Variants in UBAP2L observed in about 807,000 individuals in gnomAD.
UBAP2L encodes the protein ubiquitin associated protein 2 like.
UBAP2L carries 12 observed loss-of-function variants against 130.6 expected under a neutral mutation model. That is an observed-to-expected ratio of 0.09 (90% CI 0.06 to 0.15). The LOEUF (loss-of-function observed/expected upper bound fraction) is 0.15. Among genes scored for constraint, UBAP2L ranks in the 10% least tolerant of loss-of-function variants. The pLI is 1.00. For missense variants in UBAP2L, 965 were observed against 1,332.5 expected (o/e 0.72, Z 4.29); for synonymous variants, 503 against 524.7 (o/e 0.96, Z 0.57).
intron 19 of UBAP2L, 29 bp downstream of exon 19, chr1:154,257,287 T>C: frequency 6.2e-7 from 1 of 1,614,212 alleles, no homozygotes; most frequent in Non-Finnish European, 8.5e-7. Context: ...ATGGCATTCC[T>C]CTGGGATGGA....
intron 11 of UBAP2L, among the ~76,000 whole-genome samples, chr1:154,248,273 TTACCCTATAGAACTTGTATG>T (rs1676281243): frequency 6.6e-6 from 1 of 152,106 alleles, no homozygotes; most frequent in Non-Finnish European, 1.5e-5. Context: ...GGCCCAGTGA[TTACCCTATAGAACTTGTATG>T]TACATGGAGA....
At chr1:154,264,518 A>G (rs1431923125) in intron 24 of UBAP2L, among the ~76,000 whole-genome samples, 1 of 152,192 alleles carries the variant, frequency 6.6e-6, no homozygotes, top group Admixed American at 6.5e-5. Flanking sequence ...TGGCTACTAC[A>G]GAGTATTATG....
At chr1:154,238,988 G>C (rs1672602223) in intron 8 of UBAP2L, among the ~76,000 whole-genome samples, 1 of 152,074 alleles carries the variant, frequency 6.6e-6, no homozygotes, top group Non-Finnish European at 1.5e-5. Context: ...TGATCCACCT[G>C]CCTTGGCCTC....
At chr1:154,238,734 TTTTTC>T (rs1195708700) in intron 8 of UBAP2L, among the ~76,000 whole-genome samples, 8 of 152,074 alleles carry the variant, frequency 5.3e-5, no homozygotes, top group South Asian at 2.1e-4. Flanking sequence ...ATTAATTTTT[TTTTTC>T]TTTTCTTTTT....
chr1:154,254,743 T>C (rs554555113), intron 15 of UBAP2L, 93 bp from the exon 16 acceptor site: 4 of 1,337,784 alleles, frequency 3.0e-6, no homozygotes, highest in Non-Finnish European at 4.2e-6. Flanking sequence ...CCTAAAGATT[T>C]GTTGACCAAA....
At chr1:154,270,890 A>T, downstream of UBAP2L, 1 of 1,547,280 alleles carries the variant, frequency 6.5e-7, no homozygotes, top group Non-Finnish European at 8.7e-7. Context: ...GGACATCCTC[A>T]ATTTCGTCGA....
rs1048475609 is a variant in UBAP2L at position 154,259,645 on chromosome 1, A to C, written c.2497-303A>C. 38 of 431,240 alleles carry C rather than the reference A, an allele frequency of 8.8e-5. No individual in the cohort carries two copies. In the Admixed American group the frequency reaches 1.3e-3, roughly 15 times the overall value. The allele number at this position is 431,240 out of a possible 1,614,324, so 26.7% of individuals were successfully genotyped here. A position where few individuals can be genotyped will look rare whatever the true frequency, so the allele number is the denominator to read the frequency against. ...TCGAATGATCTGTTTTCTCAGTAGAATAAGCTTGGTATAAACTGATAGGGA... is the reference window on the plus strand; with the variant it reads ...TCGAATGATCTGTTTTCTCAGTAGACTAAGCTTGGTATAAACTGATAGGGA... On this transcript the variant is annotated intron_variant, in intron 21 of 26. Transcript: ENST00000428931.
Position 154,260,973 on chromosome 1 carries a change from C to T in UBAP2L, c.2660C>T (p.Thr887Met), listed in dbSNP as rs1293387563. ...TTLAQPQQNQ[T>M]QTHHTTQQTF... Reference sequence around the variant, plus strand: ...TTGGCCCAACCCCAACAGAACCAGACGCAGACTCACCATACCACGCAGCAG... The same window carrying T: ...TTGGCCCAACCCCAACAGAACCAGATGCAGACTCACCATACCACGCAGCAG... The change falls in exon 23 of 27, where the codon ACG becomes ATG. Residue 887 changes from threonine (T) to methionine (M), a missense_variant. Coordinates refer to ENST00000428931, the MANE Select transcript of UBAP2L (RefSeq NM_014847.4). 2.5e-6 allele frequency: 4 copies of T among 1,614,254 alleles called. No individual in the cohort carries two copies. Among genetic ancestry groups the T allele is most frequent in the Non-Finnish European group, 3.4e-6 (4 of 1,180,050 alleles).
intron 25 of UBAP2L, 55 bp from the exon 26 acceptor site, chr1:154,268,702 C>A (rs975612323): frequency 6.3e-7 from 1 of 1,582,782 alleles, no homozygotes; most frequent in Non-Finnish European, 8.7e-7. Flanking sequence ...AGGAAAAATC[C>A]CAAGACTAGT....
At chr1:154,242,762 C>T (rs1571761476) in intron 9 of UBAP2L, among the ~76,000 whole-genome samples, 2 of 152,050 alleles carry the variant, frequency 1.3e-5, no homozygotes, top group Non-Finnish European at 2.9e-5. Context: ...TGGGCCCTTA[C>T]TGCTCAAAAG....
At chr1:154,244,015 A>G (rs1301360877) in intron 10 of UBAP2L, among the ~76,000 whole-genome samples, 2 of 152,206 alleles carry the variant, frequency 1.3e-5, no homozygotes, top group African/African-American at 2.4e-5. Context: ...GAGCCCACTG[A>G]GTATAACAGT....
chr1:154,251,439 T>G, intron 13 of UBAP2L, 42 bp from the exon 14 acceptor site: 1 of 1,598,560 alleles, frequency 6.3e-7, no homozygotes, highest in Non-Finnish European at 8.5e-7. Flanking sequence ...TTAGTAAGGT[T>G]GTATTAAAGC....
At chr1:154,253,054 A>T (rs1678333602) in intron 14 of UBAP2L, among the ~76,000 whole-genome samples, 2 of 151,956 alleles carry the variant, frequency 1.3e-5, no homozygotes, top group African/African-American at 2.4e-5. Flanking sequence ...CACAGGCTGG[A>T]GTGCAATGGC....
intron 3 of UBAP2L, 81 bp from the exon 4 acceptor site, chr1:154,228,534 C>T (rs1668740026): frequency 9.4e-7 from 1 of 1,062,374 alleles, no homozygotes; most frequent in South Asian, 1.4e-5. Context: ...CAACTGATAG[C>T]GTTTCCCTTC....
At position 154,259,879 on chromosome 1, in the gene UBAP2L, G is replaced by A. The variant is rs368671966; in HGVS notation, c.2497-69G>A. 1.7e-4 allele frequency: 250 copies of A among 1,490,774 alleles called. No homozygotes were observed. The African/African-American group carries it at 2.9e-3, about 17-fold the overall frequency. 92.3% of individuals were successfully genotyped at this position (1,490,774 alleles called of 1,614,324 possible). A position where few individuals can be genotyped will look rare whatever the true frequency, so the allele number is the denominator to read the frequency against. ...CTCACATTCTTCTGTTTTTTCCTCCGTGGAAATAGTACTCATGCTGGGGAA... is the reference window on the plus strand; with the variant it reads ...CTCACATTCTTCTGTTTTTTCCTCCATGGAAATAGTACTCATGCTGGGGAA... On this transcript the variant is annotated intron_variant, in intron 21 of 26. Transcript: ENST00000428931.
chr1:154,249,631 A>G (rs1676804407), intron 12 of UBAP2L, among the ~76,000 whole-genome samples, 194 bp downstream of exon 12: 1 of 152,122 alleles, frequency 6.6e-6, no homozygotes, highest in Non-Finnish European at 1.5e-5. Flanking sequence ...ATTTGAGGCT[A>G]TGTATTTCTC....
intron 21 of UBAP2L, 83 bp from the exon 22 acceptor site, chr1:154,259,865 C>T: frequency 7.9e-6 from 11 of 1,398,270 alleles, no homozygotes; most frequent in Non-Finnish European, 1.1e-5. Flanking sequence ...TCACATTCTT[C>T]TGTTTTTTCC....
At chr1:154,224,952 G>A in intron 1 of UBAP2L, 132 bp from the exon 2 acceptor site, 1 of 590,642 alleles carries the variant, frequency 1.7e-6, no homozygotes. Flanking sequence ...TAATTATGTT[G>A]TAAGAATAAA....
chr1:154,259,924 G>C (rs200782047), intron 21 of UBAP2L, 24 bp from the exon 22 acceptor site: 297 of 1,605,996 alleles, frequency 1.8e-4, no homozygotes, highest in Non-Finnish European at 2.3e-4. Flanking sequence ...TTGAATCTCT[G>C]CTCTTTTTTC....
Sources: allele counts gnomAD v4.1 joint callset (sites outside exome capture counted in the v4.1 genomes callset), GRCh38; gene constraint gnomAD v4.1.1; transcripts MANE v1.5; gene names NCBI Gene and HGNC (gene_info 2026-07-23, HGNC 2026-07-21).